POLD1: variants seen among roughly 807,000 people sequenced by gnomAD.
POLD1 encodes the protein DNA polymerase delta 1, catalytic subunit, also known as DNA polymerase delta catalytic subunit.
In POLD1, 79 loss-of-function variants were observed where a neutral mutation model predicts 129.7. The observed-to-expected ratio is 0.61, with a 90% confidence interval of 0.51 to 0.73. The LOEUF is 0.73. Ranked by LOEUF, POLD1 falls within the 30% of genes least tolerant of loss-of-function variation. The pLI, the probability that POLD1 is intolerant of heterozygous loss-of-function variation, is 0.00. For missense variants in POLD1, 1,338 were observed against 1,595.8 expected (o/e 0.84, Z 2.75); for synonymous variants, 714 against 683.3 (o/e 1.04, Z -0.70).
chr19:50,390,036 G>A (rs2038101485), intron 1 of POLD1, among the ~76,000 whole-genome samples: 1 of 150,920 alleles, frequency 6.6e-6, no homozygotes, highest in South Asian at 2.1e-4. Context: ...AGCCTCCCGA[G>A]TAGCTAGGAT....
chr19:50,415,466 CAG>C lies in POLD1; in HGVS notation c.2594_2595del (p.Gln865ArgfsTer88), dbSNP rs2122474688. ...CCCTGAGGGCGCGGTGGCTCACGCA[CAG>C]GACGTCATCTCGGACCTGCTGTGCA... is the stretch of plus-strand genomic sequence containing the variant. The part of the protein sequence containing the change: ...RDPEGAVAHA[Q>X]DVISDLLCNR... On this transcript the variant is annotated frameshift_variant, in exon 21 of 27. Coordinates refer to ENST00000440232, the MANE Select transcript of POLD1 (RefSeq NM_002691.4). LOFTEE classifies it high-confidence loss of function. 3.1e-6 allele frequency: 5 copies of C among 1,613,092 alleles called. No homozygotes were observed. The highest frequency in any genetic ancestry group is 4.2e-6 in the Non-Finnish European group (5 of 1,179,910).
In POLD1 at chr19:50,393,787, C is replaced by T. The variant is rs3219330; in HGVS notation, c.-1-5064C>T. 5.1e-3 allele frequency among the ~76,000 whole-genome samples: 779 copies of T among 152,260 alleles called. 5 individuals are homozygous for T. The highest frequency in any genetic ancestry group is 0.014 in the African/African-American group (568 of 41,552). On this transcript the variant is annotated intron_variant, in intron 1 of 26. Transcript: ENST00000440232. The stretch of plus-strand genomic sequence containing the variant: ...CACCCCTACAGAAAACCCCATACTC[C>T]GTAAGCAGTCACTCCTCATTCCCCC...
chr19:50,407,263 C>T, intron 13 of POLD1, 64 bp from the exon 14 acceptor site: 1 of 1,548,702 alleles, frequency 6.5e-7, no homozygotes, highest in African/African-American at 1.4e-5. Context: ...CACTTTTTCT[C>T]CCCACTCCCA....
chr19:50,403,197 A>G lies in POLD1; in HGVS notation c.1115A>G (p.Glu372Gly), dbSNP rs1057119431. 1 of 1,560,786 alleles carries G rather than the reference A, an allele frequency of 6.4e-7. No homozygotes were observed. Among genetic ancestry groups the G allele is most frequent in the African/African-American group, 1.4e-5 (1 of 73,854 alleles). ...PILGAKVQSY[E>G]KEEDLLQAWS... ...CTGGGTGCCAAGGTGCAGAGCTACG[A>G]GAAGGAGGAGGACCTGCTGCAGGTA... Residue 372 changes from glutamate to glycine, a missense_variant, in exon 9 of 27, where the codon GAG (glutamate) becomes GGG (glycine). Coordinates refer to ENST00000440232, the MANE Select transcript of POLD1 (RefSeq NM_002691.4).
intron 1 of POLD1, among the ~76,000 whole-genome samples, chr19:50,397,049 C>T (rs561298290): frequency 1.4e-5 from 2 of 145,312 alleles, no homozygotes; most frequent in African/African-American, 2.6e-5. Flanking sequence ...CAAGATCGCA[C>T]CACTGCACTC....
At chr19:50,408,620 C>T (rs975714607) in intron 14 of POLD1, 165 bp from the exon 15 acceptor site, 9 of 1,056,764 alleles carry the variant, frequency 8.5e-6, no homozygotes, top group African/African-American at 1.6e-5. Context: ...TGAGTTCAAG[C>T]GATCCTCCTG....
At chr19:50,386,134 C>T (rs3219297) in intron 1 of POLD1, among the ~76,000 whole-genome samples, 2,682 of 151,850 alleles carry the variant, frequency 0.018, 70 homozygotes, top group African/African-American at 0.058. Context: ...TTTCAACTCA[C>T]ATGTCTTTTT....
Position 50,415,711 on chromosome 19 carries a change from C to T in POLD1, c.2718-13C>T. The T allele has an allele frequency of 6.5e-7, 1 of 1,535,188 alleles. No homozygotes were observed. Among genetic ancestry groups the T allele is most frequent in the East Asian group, 2.4e-5 (1 of 41,226 alleles). ...ACCTGCCCTCACCCACCCGCCACCCCATCTCCACGCAGGATGAGGAAGCGG... is the reference window on the plus strand; with the variant it reads ...ACCTGCCCTCACCCACCCGCCACCCTATCTCCACGCAGGATGAGGAAGCGG... On this transcript the variant is annotated splice_polypyrimidine_tract_variant and intron_variant, in intron 21 of 26. Transcript: ENST00000440232.
intron 19 of POLD1, 101 bp from the exon 20 acceptor site, chr19:50,414,714 A>G: frequency 1.0e-6 from 1 of 985,054 alleles, no homozygotes; most frequent in South Asian, 2.0e-5. Context: ...ATGTCCTCAA[A>G]CTGCGTCTGG....
At chr19:50,392,361 G>A (rs2038205647) in intron 1 of POLD1, among the ~76,000 whole-genome samples, 1 of 152,102 alleles carries the variant, frequency 6.6e-6, no homozygotes, top group South Asian at 2.1e-4. Context: ...GCCTCCCAAA[G>A]TGTTGGGATT....
At position 50,403,229 on chromosome 19, in the gene POLD1, G is replaced by A. The variant is rs367666867; in HGVS notation, c.1137+10G>A. The A allele has an allele frequency of 7.4e-5, 114 of 1,540,298 alleles. No homozygotes were observed. Among genetic ancestry groups the A allele is most frequent in the Non-Finnish European group, 8.7e-5 (99 of 1,139,730 alleles). ...GGAGGACCTGCTGCAGGTAGCTCTCGCTCCACGCCCCACACCATTTCCCGG... is the reference window on the plus strand; with the variant it reads ...GGAGGACCTGCTGCAGGTAGCTCTCACTCCACGCCCCACACCATTTCCCGG... On this transcript the variant is annotated intron_variant, in intron 9 of 26. Transcript: ENST00000440232.
At chr19:50,401,964 GC>G (rs1174150403) in intron 4 of POLD1, 34 bp from the exon 5 acceptor site, 1 of 1,614,012 alleles carries the variant, frequency 6.2e-7, no homozygotes, top group East Asian at 2.2e-5. Context: ...AGCCACTGGA[GC>G]CCCCTGCACC....
intron 1 of POLD1, among the ~76,000 whole-genome samples, chr19:50,391,365 G>T (rs1355552033): frequency 6.6e-6 from 1 of 152,134 alleles, no homozygotes; most frequent in African/African-American, 2.4e-5. Context: ...GGTGGAGGTT[G>T]TAGCGAGCCG....
At chr19:50,408,204 G>A (rs3219404) in intron 14 of POLD1, among the ~76,000 whole-genome samples, 3,454 of 151,514 alleles carry the variant, frequency 0.023, 141 homozygotes, top group African/African-American at 0.079. Flanking sequence ...GCATGGTGGC[G>A]GGCGCCTGCA....
At chr19:50,411,150 T>A (rs1045243667) in intron 17 of POLD1, 1 of 152,124 alleles carries the variant, frequency 6.6e-6, no homozygotes, top group Middle Eastern at 3.2e-3. Flanking sequence ...GGTCTCGCCA[T>A]GTTGCCCAGG....
intron 1 of POLD1, among the ~76,000 whole-genome samples, chr19:50,396,064 A>T (rs59864794): frequency 0.23 from 33,236 of 144,526 alleles, 7,094 homozygotes; most frequent in African/African-American, 0.57. Flanking sequence ...TTGGGTTTTA[A>T]TTGTTGTTGT....
intron 1 of POLD1, among the ~76,000 whole-genome samples, chr19:50,398,094 G>A (rs535874610): frequency 3.3e-5 from 5 of 152,256 alleles, no homozygotes; most frequent in Admixed American, 1.3e-4. Flanking sequence ...GCACACACAC[G>A]ACACGCTGAC....
chr19:50,399,977 G>T (rs2038523384), intron 3 of POLD1, among the ~76,000 whole-genome samples: 1 of 151,646 alleles, frequency 6.6e-6, no homozygotes, highest in African/African-American at 2.4e-5. Context: ...ACCATGCCTG[G>T]CTAATTTTTG....
At chr19:50,407,455 C>G in intron 14 of POLD1, 40 bp downstream of exon 14, 1 of 1,386,400 alleles carries the variant, frequency 7.2e-7, no homozygotes, top group Non-Finnish European at 9.9e-7. Context: ...CCTGTAATCT[C>G]TGGGAGGCTG....
Sources: allele counts gnomAD v4.1 joint callset (sites outside exome capture counted in the v4.1 genomes callset), GRCh38; gene constraint gnomAD v4.1.1; transcripts MANE v1.5; gene names NCBI Gene and HGNC (gene_info 2026-07-23, HGNC 2026-07-21).